The following PDE7B variants were observed in gnomAD, a reference collection of about 807,000 sequenced individuals.
PDE7B encodes phosphodiesterase 7B, also known as 3',5'-cyclic-AMP phosphodiesterase 7B.
PDE7B carries 29 observed loss-of-function variants against 56.2 expected under a neutral mutation model. That is an observed-to-expected ratio of 0.52 (90% CI 0.38 to 0.70). The LOEUF (loss-of-function observed/expected upper bound fraction) is 0.70. PDE7B is among the 30% of genes least tolerant of loss of function. The probability of loss-of-function intolerance (pLI) is 0.00; values close to 1 mark genes in which losing one functional copy is unlikely to be tolerated. For missense variants in PDE7B, 490 were observed against 565.0 expected (o/e 0.87, Z 1.35); for synonymous variants, 197 against 196.9 (o/e 1.00, Z 0.00).
chr6:136,019,684 T>C (rs1352281482), intron 2 of PDE7B, among the ~76,000 whole-genome samples: 2 of 152,224 alleles, frequency 1.3e-5, no homozygotes, highest in Non-Finnish European at 2.9e-5. Flanking sequence ...ATAGCCTATT[T>C]TGACCAGAAG....
intron 2 of PDE7B, among the ~76,000 whole-genome samples, chr6:135,959,774 A>G (rs1247670583): frequency 6.6e-6 from 1 of 152,132 alleles, no homozygotes; most frequent in Non-Finnish European, 1.5e-5. Flanking sequence ...TCTTAAAAAA[A>G]AAAAGTTTAC....
intron 2 of PDE7B, chr6:136,044,627 TAG>T (rs1480062806): frequency 1.3e-5 from 2 of 152,214 alleles, no homozygotes; most frequent in African/African-American, 4.8e-5. Context: ...TCTCTTCCTA[TAG>T]AGAACTTGTA....
In PDE7B at chr6:136,064,974, G is replaced by C. The variant is rs6926284; in HGVS notation, c.83-43757G>C. ...AATGAATAAACAAATGCAAGTAACA[G>C]AGTCCAACAATTTGTAGGTTTACGA... is the stretch of plus-strand genomic sequence containing the variant. On this transcript the variant is annotated intron_variant, in intron 2 of 12. Transcript: ENST00000308191. Among the ~76,000 whole-genome samples the C allele has an allele frequency of 8.9e-3, 1,353 of 152,298 alleles. 16 individuals are homozygous for C. The highest frequency in any genetic ancestry group is 0.031 in the African/African-American group (1,298 of 41,552).
intron 2 of PDE7B, among the ~76,000 whole-genome samples, chr6:136,087,293 C>G (rs1777309660): frequency 6.6e-6 from 1 of 152,144 alleles, no homozygotes; most frequent in Non-Finnish European, 1.5e-5. Flanking sequence ...CTAAAGCTCT[C>G]TATCTGGGAA....
intron 2 of PDE7B, among the ~76,000 whole-genome samples, chr6:136,099,505 T>C (rs571384859): frequency 1.2e-4 from 18 of 152,366 alleles, no homozygotes; most frequent in Admixed American, 1.2e-3. Context: ...GTGGTTTTGA[T>C]TTGCATTTCT....
At chr6:136,024,063 G>A (rs897494114) in intron 2 of PDE7B, among the ~76,000 whole-genome samples, 1 of 151,980 alleles carries the variant, frequency 6.6e-6, no homozygotes, top group African/African-American at 2.4e-5. Context: ...TCTAGGAAAG[G>A]ATGACATTTA....
At chr6:136,030,369 G>A (rs1373702175) in intron 2 of PDE7B, among the ~76,000 whole-genome samples, 6 of 152,152 alleles carry the variant, frequency 3.9e-5, no homozygotes. Flanking sequence ...CTGTGCCTAG[G>A]GCGCATGAAT....
chr6:135,858,254 G>A (rs1301895727), intron 1 of PDE7B, among the ~76,000 whole-genome samples: 4 of 152,044 alleles, frequency 2.6e-5, no homozygotes, highest in Non-Finnish European at 4.4e-5. Flanking sequence ...CCAGAGTCAA[G>A]CGATTCTCCT....
chr6:136,063,036 A>G (rs1776869838), intron 2 of PDE7B, among the ~76,000 whole-genome samples: 1 of 152,224 alleles, frequency 6.6e-6, no homozygotes, highest in Non-Finnish European at 1.5e-5. Flanking sequence ...GAGAGACAAC[A>G]ATAAATAGTG....
chr6:136,148,406 A>G (rs1044745532), intron 4 of PDE7B, among the ~76,000 whole-genome samples: 1 of 133,654 alleles, frequency 7.5e-6, no homozygotes, highest in Non-Finnish European at 1.6e-5. Flanking sequence ...GAAAGAAAGA[A>G]GGAAAGGAAA....
At chr6:135,946,829 T>A (rs2128199373) in intron 1 of PDE7B, among the ~76,000 whole-genome samples, 2 of 152,248 alleles carry the variant, frequency 1.3e-5, no homozygotes, top group East Asian at 1.9e-4. Context: ...ATCATACAAC[T>A]GTGGCCTGTT....
chr6:135,994,255 A>G (rs528698128), intron 2 of PDE7B, among the ~76,000 whole-genome samples: 1 of 152,028 alleles, frequency 6.6e-6, no homozygotes, highest in Non-Finnish European at 1.5e-5. Flanking sequence ...TTGAGGAAAC[A>G]CTTCAGAATA....
intron 3 of PDE7B, among the ~76,000 whole-genome samples, chr6:136,119,781 G>A (rs567925398): frequency 3.9e-4 from 59 of 152,290 alleles, no homozygotes; most frequent in Non-Finnish European, 6.6e-4. Flanking sequence ...CCAGGGTTGG[G>A]CTCTTCTTAC....
chr6:135,865,542 C>G (rs569559141), intron 1 of PDE7B, among the ~76,000 whole-genome samples: 21 of 151,634 alleles, frequency 1.4e-4, no homozygotes, highest in Admixed American at 1.2e-3. Context: ...TAGCTGTTGT[C>G]TGCTGCTGCT....
Position 135,851,990 on chromosome 6 carries a change from T to A in PDE7B, c.-9T>A. ...CATTCAAAGGTCACAGAACTGCCAC[T>A]ATGGTTAAATGTCTTGTTTAATGGT... On this transcript the variant is annotated 5_prime_UTR_variant, in exon 1 of 13. Transcript: ENST00000308191. 1 of 1,608,292 alleles carries A rather than the reference T, an allele frequency of 6.2e-7. No individual in the cohort carries two copies. The highest frequency in any genetic ancestry group is 2.2e-5 in the East Asian group (1 of 44,862).
intron 2 of PDE7B, among the ~76,000 whole-genome samples, chr6:136,001,514 T>A (rs1463290920): frequency 6.6e-6 from 1 of 152,174 alleles, no homozygotes; most frequent in African/African-American, 2.4e-5. Context: ...AAGGAGCTGA[T>A]GGAGCTGAAA....
At chr6:136,156,201 G>GTGTGTGTA in intron 8 of PDE7B, 1 of 326,602 alleles carries the variant, frequency 3.1e-6, no homozygotes, top group Non-Finnish European at 6.0e-6. Context: ...GTGTGTGTGT[G>GTGTGTGTA]TTTTCAGAAA....
intron 1 of PDE7B, among the ~76,000 whole-genome samples, chr6:135,867,130 A>G (rs1775276210): frequency 6.6e-6 from 1 of 152,202 alleles, no homozygotes; most frequent in Admixed American, 6.5e-5. Flanking sequence ...TTTATGAGCA[A>G]TTTGAGCAAT....
intron 3 of PDE7B, among the ~76,000 whole-genome samples, chr6:136,114,228 T>C (rs1164702604): frequency 6.6e-6 from 1 of 152,230 alleles, no homozygotes; most frequent in African/African-American, 2.4e-5. Context: ...GTCATTTTAG[T>C]AGAGCTACAA....
Sources: gnomAD v4.1 joint callset for allele counts (sites outside exome capture counted in the v4.1 genomes callset) on GRCh38, gnomAD v4.1.1 for gene constraint, MANE v1.5 for transcripts, NCBI Gene and HGNC (gene_info 2026-07-23, HGNC 2026-07-21) for gene names.